The following SAMD5 variants were observed in gnomAD, a reference collection of about 807,000 sequenced individuals.
SAMD5 encodes the protein sterile alpha motif domain containing 5, also known as sterile alpha motif domain-containing protein 5.
SAMD5 carries 13 observed loss-of-function variants against 11.3 expected under a neutral mutation model. That is an observed-to-expected ratio of 1.15 (90% CI 0.75 to 1.83). The LOEUF is 1.83. Ranked by LOEUF, SAMD5 falls within the 40% of genes most tolerant of loss-of-function variation. SAMD5 has a pLI of 0.00. For synonymous variants in SAMD5, 129 were observed against 111.3 expected (o/e 1.16, Z -1.00); for missense variants, 255 against 239.1 (o/e 1.07, Z -0.44).
At chr6:147,619,539 T>G (rs943127662) in intron 1 of SAMD5, among the ~76,000 whole-genome samples, 1 of 152,230 alleles carries the variant, frequency 6.6e-6, no homozygotes, top group African/African-American at 2.4e-5. Context: ...AGGTCACAAA[T>G]TAATCCAGGA....
chr6:147,909,639 T>TTTCTTTCTTTCTTTC, the SAMD5 span, among the ~76,000 whole-genome samples: 4 of 138,954 alleles, frequency 2.9e-5, no homozygotes, highest in African/African-American at 1.2e-4. Context: ...TTTCTCTTTC[T>TTTCTTTCTTTCTTTC]TGTCTTTTGT....
chr6:147,625,312 C>T (rs533696900), intron 1 of SAMD5, among the ~76,000 whole-genome samples: 10 of 152,228 alleles, frequency 6.6e-5, no homozygotes, highest in East Asian at 5.8e-4. Context: ...CTGATGCTTT[C>T]GTAATGTTAG....
At chr6:147,641,685 T>C (rs1330553269) in intron 1 of SAMD5, among the ~76,000 whole-genome samples, 1 of 152,174 alleles carries the variant, frequency 6.6e-6, no homozygotes, top group Non-Finnish European at 1.5e-5. Flanking sequence ...TCTTAGCTTT[T>C]TAAGAGTTAT....
intron 1 of SAMD5, among the ~76,000 whole-genome samples, chr6:147,628,230 A>G (rs1790087359): frequency 6.6e-6 from 1 of 152,200 alleles, no homozygotes; most frequent in Non-Finnish European, 1.5e-5. Flanking sequence ...CTTGAGATAA[A>G]TGAATTACAA....
At chr6:147,786,819 T>G in the SAMD5 span, among the ~76,000 whole-genome samples, 43 of 152,350 alleles carry the variant, frequency 2.8e-4, 1 homozygote, top group African/African-American at 1.0e-3. Flanking sequence ...GAGTATTTCC[T>G]TGAGCATCAG....
chr6:147,629,001 T>G (rs2128451126), intron 1 of SAMD5, among the ~76,000 whole-genome samples: 1 of 152,198 alleles, frequency 6.6e-6, no homozygotes, highest in South Asian at 2.1e-4. Context: ...ATCAAATTTC[T>G]GAACCTAGGC....
intron 1 of SAMD5, among the ~76,000 whole-genome samples, chr6:147,513,711 A>G (rs1457937417): frequency 6.6e-6 from 1 of 152,134 alleles, no homozygotes; most frequent in East Asian, 1.9e-4. Flanking sequence ...CTCTAGGGTC[A>G]ATAGTGTGGA....
the SAMD5 span, among the ~76,000 whole-genome samples, chr6:147,914,189 G>T: frequency 2.1e-5 from 3 of 144,294 alleles, no homozygotes; most frequent in Non-Finnish European, 4.5e-5. Flanking sequence ...GCTCATCAGC[G>T]ATCGTTAGTG....
At chr6:147,754,715 A>C in the SAMD5 span, among the ~76,000 whole-genome samples, 1 of 151,992 alleles carries the variant, frequency 6.6e-6, no homozygotes, top group Non-Finnish European at 1.5e-5. Context: ...TAAGTCTTTA[A>C]TCTATTTTGA....
rs1788891172 is a variant in SAMD5 at position 147,558,355 on chromosome 6, A to G, written c.460-6039A>G. On this transcript the variant is annotated intron_variant, in intron 1 of 1. Coordinates refer to ENST00000367474, the MANE Select transcript of SAMD5 (RefSeq NM_001030060.3). ...TAACGAACTGCAGTAGAGGCCAGACACTGGCGTTCAGCACACTCCAGCATT... is the reference window on the plus strand; with the variant it reads ...TAACGAACTGCAGTAGAGGCCAGACGCTGGCGTTCAGCACACTCCAGCATT... Among the ~76,000 whole-genome samples the G allele has an allele frequency of 1.3e-5, 2 of 152,128 alleles. 1 individual carries two copies. Among genetic ancestry groups the G allele is most frequent in the South Asian group, 4.2e-4 (2 of 4,814 alleles).
the SAMD5 span, among the ~76,000 whole-genome samples, chr6:147,927,609 C>A: frequency 7.0e-4 from 107 of 152,230 alleles, no homozygotes; most frequent in African/African-American, 2.5e-3. Context: ...TAGATATCTG[C>A]AGACAGGGAT....
rs867967692 is a variant in SAMD5, at chr6:147,721,778, A to G, written c.163-15539A>G. Among the ~76,000 whole-genome samples, 10 of 152,202 alleles carry G rather than the reference A, an allele frequency of 6.6e-5. No individual in the cohort carries two copies. The South Asian group carries it at 1.9e-3, about 28-fold the overall frequency. On this transcript the variant is annotated intron_variant, in intron 1 of 1. Transcript: ENST00000566741. ...AAATTTCATAATGAAAATCAATTTA[A>G]GCCAATTGTGTTGAAAGTTTTATAC... is the stretch of plus-strand genomic sequence containing the variant.
chr6:147,794,646 A>G, the SAMD5 span, among the ~76,000 whole-genome samples: 1 of 152,200 alleles, frequency 6.6e-6, no homozygotes, highest in Non-Finnish European at 1.5e-5. Context: ...CGATTTCTCC[A>G]TTGAATGTTT....
chr6:147,878,344 T>C, the SAMD5 span, among the ~76,000 whole-genome samples: 2 of 151,712 alleles, frequency 1.3e-5, no homozygotes, highest in African/African-American at 2.4e-5. Flanking sequence ...GCGTTTCTGC[T>C]CTATCAAGAC....
the SAMD5 span, among the ~76,000 whole-genome samples, chr6:147,924,379 G>A: frequency 6.6e-6 from 1 of 152,088 alleles, no homozygotes; most frequent in African/African-American, 2.4e-5. Flanking sequence ...GTGCACTGAA[G>A]ATAAAATTTT....
the SAMD5 span, among the ~76,000 whole-genome samples, chr6:147,885,924 A>C: frequency 6.6e-6 from 1 of 152,232 alleles, no homozygotes; most frequent in Non-Finnish European, 1.5e-5. Flanking sequence ...TCTAAAGAAC[A>C]TATAATTTCT....
the SAMD5 span, among the ~76,000 whole-genome samples, chr6:147,840,805 G>T: frequency 6.6e-6 from 1 of 152,236 alleles, no homozygotes; most frequent in Non-Finnish European, 1.5e-5. Context: ...ATGCCAAAAT[G>T]ATATAATGAT....
At chr6:147,555,223 G>A (rs1341350357) in intron 1 of SAMD5, among the ~76,000 whole-genome samples, 1 of 152,204 alleles carries the variant, frequency 6.6e-6, no homozygotes, top group Admixed American at 6.5e-5. Flanking sequence ...AAATGGACGT[G>A]TATGTAAATC....
At chr6:147,886,024 A>G in the SAMD5 span, among the ~76,000 whole-genome samples, 1 of 152,246 alleles carries the variant, frequency 6.6e-6, no homozygotes, top group Admixed American at 6.5e-5. Context: ...ATAAAATAGA[A>G]AGAAAGCTAT....
Sources: gnomAD v4.1 joint callset for allele counts (sites outside exome capture counted in the v4.1 genomes callset) on GRCh38, gnomAD v4.1.1 for gene constraint, MANE v1.5 for transcripts, NCBI Gene and HGNC (gene_info 2026-07-23, HGNC 2026-07-21) for gene names.